Variants in TCF12 observed in about 807,000 individuals in gnomAD.
The protein encoded by TCF12 is transcription factor 12.
A neutral mutation model predicts 86.0 loss-of-function variants in TCF12; 45 were observed. That is an observed-to-expected ratio of 0.52 (90% CI 0.41 to 0.67). The LOEUF is 0.67. Ranked by LOEUF, TCF12 falls within the 30% of genes least tolerant of loss-of-function variation. The probability of loss-of-function intolerance (pLI) is 0.00; values close to 1 mark genes in which losing one functional copy is unlikely to be tolerated. For synonymous variants in TCF12, 330 were observed against 299.6 expected (o/e 1.10, Z -1.05); for missense variants, 881 against 859.9 (o/e 1.02, Z -0.31).
At chr15:56,949,420 T>C (rs1371952509) in intron 3 of TCF12, among the ~76,000 whole-genome samples, 1 of 152,204 alleles carries the variant, frequency 6.6e-6, no homozygotes, top group Non-Finnish European at 1.5e-5. Context: ...ATGAAAATTA[T>C]AGATGTAAAA....
intron 14 of TCF12, 31 bp downstream of exon 14, chr15:57,251,454 G>A (rs1360599527): frequency 1.9e-6 from 3 of 1,605,762 alleles, no homozygotes; most frequent in Non-Finnish European, 2.6e-6. Flanking sequence ...AGTTTTATCT[G>A]ATAGCTTAGA....
At chr15:56,957,404 A>T (rs1348884224) in intron 3 of TCF12, among the ~76,000 whole-genome samples, 1 of 152,144 alleles carries the variant, frequency 6.6e-6, no homozygotes, top group Non-Finnish European at 1.5e-5. Context: ...TTCATTTAAA[A>T]AATTCTGTTT....
chr15:56,934,405 A>T (rs1474950507), intron 3 of TCF12, among the ~76,000 whole-genome samples: 1 of 152,216 alleles, frequency 6.6e-6, no homozygotes, highest in Non-Finnish European at 1.5e-5. Context: ...TACAAAGAGG[A>T]GGTTATGAAA....
intron 18 of TCF12, among the ~76,000 whole-genome samples, chr15:57,269,620 C>T (rs1365733912): frequency 6.6e-6 from 1 of 151,846 alleles, no homozygotes; most frequent in East Asian, 1.9e-4. Flanking sequence ...GGTTATTTCA[C>T]CCATTAATTG....
At chr15:57,073,723 G>C (rs1354681324) in intron 4 of TCF12, among the ~76,000 whole-genome samples, 1 of 152,086 alleles carries the variant, frequency 6.6e-6, no homozygotes, top group Admixed American at 6.5e-5. Flanking sequence ...AGGACTTGAA[G>C]GACAGAGTCA....
chr15:57,035,719 C>T (rs1401147781), intron 3 of TCF12, among the ~76,000 whole-genome samples: 1 of 152,066 alleles, frequency 6.6e-6, no homozygotes, highest in Non-Finnish European at 1.5e-5. Context: ...AAAGCCTGGC[C>T]TGTCAGGATT....
At chr15:56,993,837 A>G (rs889263471) in intron 3 of TCF12, among the ~76,000 whole-genome samples, 1 of 152,236 alleles carries the variant, frequency 6.6e-6, no homozygotes, top group Non-Finnish European at 1.5e-5. Context: ...GCAATATGTT[A>G]AAATTCCCAG....
intron 8 of TCF12, among the ~76,000 whole-genome samples, chr15:57,222,999 G>A (rs532488146): frequency 3.3e-5 from 5 of 151,556 alleles, no homozygotes; most frequent in South Asian, 2.1e-4. Flanking sequence ...CAAGCTAGAC[G>A]CACATTTTGA....
chr15:57,239,995 G>C (rs1026962332), intron 12 of TCF12, among the ~76,000 whole-genome samples: 1 of 152,162 alleles, frequency 6.6e-6, no homozygotes, highest in Non-Finnish European at 1.5e-5. Flanking sequence ...ATTACCAAGA[G>C]ATAAAGCACA....
At chr15:57,151,334 A>G (rs1201209907) in intron 5 of TCF12, among the ~76,000 whole-genome samples, 1 of 149,136 alleles carries the variant, frequency 6.7e-6, no homozygotes, top group Non-Finnish European at 1.5e-5. Context: ...AATGAAAAAT[A>G]CACTGGATGA....
chr15:56,955,931 G>A (rs1218546311), intron 3 of TCF12, among the ~76,000 whole-genome samples: 1 of 152,098 alleles, frequency 6.6e-6, no homozygotes, highest in African/African-American at 2.4e-5. Flanking sequence ...GTGCATTAAT[G>A]CTTAGTAGTA....
At chr15:56,999,721 A>C (rs1164525463) in intron 3 of TCF12, among the ~76,000 whole-genome samples, 3 of 151,872 alleles carry the variant, frequency 2.0e-5, no homozygotes, top group African/African-American at 7.3e-5. Flanking sequence ...TAAAAATACA[A>C]AAATTAGCTG....
chr15:56,999,628 CT>C (rs1418923228), intron 3 of TCF12, among the ~76,000 whole-genome samples: 1 of 152,074 alleles, frequency 6.6e-6, no homozygotes, highest in Admixed American at 6.6e-5. Flanking sequence ...AATCCCAGCA[CT>C]TTGGGAGGGC....
At chr15:57,039,292 GT>G (rs2066733065) in intron 3 of TCF12, among the ~76,000 whole-genome samples, 1 of 152,062 alleles carries the variant, frequency 6.6e-6, no homozygotes, top group Non-Finnish European at 1.5e-5. Flanking sequence ...GACATGGGTT[GT>G]TTTTTCTTAC....
intron 12 of TCF12, among the ~76,000 whole-genome samples, chr15:57,234,823 C>T (rs982775189): frequency 3.3e-5 from 5 of 152,184 alleles, no homozygotes; most frequent in Non-Finnish European, 7.4e-5. Flanking sequence ...GTGCTTTGCG[C>T]TTCCTAAAAT....
At chr15:57,211,910 C>T (rs2058117957) in intron 8 of TCF12, among the ~76,000 whole-genome samples, 1 of 151,870 alleles carries the variant, frequency 6.6e-6, no homozygotes, top group Non-Finnish European at 1.5e-5. Flanking sequence ...GCCAAGATTG[C>T]ACCAGTGCAC....
At chr15:56,919,616 A>G (rs1302014969) in intron 1 of TCF12, 1 of 257,718 alleles carries the variant, frequency 3.9e-6, no homozygotes, top group Non-Finnish European at 7.5e-6. Flanking sequence ...AGGAGGTGGC[A>G]GAGACTGGCT....
chr15:57,232,605 T>C, intron 10 of TCF12, 107 bp from the exon 11 acceptor site: 3 of 1,446,868 alleles, frequency 2.1e-6, no homozygotes, highest in Non-Finnish European at 2.8e-6. Flanking sequence ...TAGTGCTCTT[T>C]AGCTGTAACT....
intron 3 of TCF12, among the ~76,000 whole-genome samples, chr15:57,017,949 T>A (rs2065249995): frequency 6.6e-6 from 1 of 152,158 alleles, no homozygotes; most frequent in South Asian, 2.1e-4. Context: ...TTGGTAAACC[T>A]CCATGTATCA....
Sources: allele counts gnomAD v4.1 joint callset (sites outside exome capture counted in the v4.1 genomes callset), GRCh38; gene constraint gnomAD v4.1.1; transcripts MANE v1.5; gene names NCBI Gene and HGNC (gene_info 2026-07-23, HGNC 2026-07-21).